The following SETBP1 variants were observed in gnomAD, a reference collection of about 807,000 sequenced individuals.
The protein encoded by SETBP1 is SET binding protein 1.
In SETBP1, 9 loss-of-function variants were observed where a neutral mutation model predicts 101.0. The ratio of observed to expected loss-of-function variants is 0.09; its 90% CI spans 0.05 to 0.16. The LOEUF is 0.16. Ranked by LOEUF, SETBP1 falls within the 10% of genes least tolerant of loss-of-function variation. The probability of loss-of-function intolerance (pLI) is 1.00; values close to 1 mark genes in which losing one functional copy is unlikely to be tolerated. For missense variants in SETBP1, 1,858 were observed against 2,033.8 expected (o/e 0.91, Z 1.66); for synonymous variants, 818 against 788.5 (o/e 1.04, Z -0.63).
chr18:44,909,546 G>A (rs1048993761), intron 3 of SETBP1, among the ~76,000 whole-genome samples: 3 of 152,212 alleles, frequency 2.0e-5, no homozygotes, highest in Non-Finnish European at 2.9e-5. Flanking sequence ...GCTCAGAGTA[G>A]TCTAAAGCAG....
At chr18:44,813,525 T>A (rs2071908944) in intron 2 of SETBP1, among the ~76,000 whole-genome samples, 1 of 152,180 alleles carries the variant, frequency 6.6e-6, no homozygotes. Context: ...GCAGGGTGTC[T>A]TCTGTGAGAT....
At chr18:44,858,993 T>TGGAA (rs202189112) in intron 2 of SETBP1, among the ~76,000 whole-genome samples, 2,262 of 147,468 alleles carry the variant, frequency 0.015, 23 homozygotes, top group Middle Eastern at 0.038. Context: ...ATGCCATTGC[T>TGGAA]GGAAGGAAGG....
At chr18:45,001,019 G>A (rs1031774333) in intron 4 of SETBP1, among the ~76,000 whole-genome samples, 2 of 152,190 alleles carry the variant, frequency 1.3e-5, no homozygotes, top group Non-Finnish European at 2.9e-5. Context: ...CTTAGTATGT[G>A]TGATATGGTC....
At chr18:44,935,972 T>C (rs538894832) in intron 3 of SETBP1, among the ~76,000 whole-genome samples, 4 of 152,348 alleles carry the variant, frequency 2.6e-5, no homozygotes, top group South Asian at 2.1e-4. Context: ...ATGTGTTATG[T>C]TTCTTTCTTT....
At chr18:45,018,064 A>T (rs1175754105) in intron 4 of SETBP1, among the ~76,000 whole-genome samples, 9 of 152,170 alleles carry the variant, frequency 5.9e-5, no homozygotes, top group African/African-American at 2.2e-4. Flanking sequence ...GATCCTTCCC[A>T]GTCCTGATAG....
intron 2 of SETBP1, among the ~76,000 whole-genome samples, chr18:44,740,380 G>A (rs1234253623): frequency 1.3e-5 from 2 of 152,168 alleles, no homozygotes; most frequent in African/African-American, 2.4e-5. Flanking sequence ...CTGAGGGCTG[G>A]CACTCCTTAA....
chr18:44,756,418 TA>T (rs767319334), intron 2 of SETBP1, among the ~76,000 whole-genome samples: 35 of 152,138 alleles, frequency 2.3e-4, no homozygotes, highest in Non-Finnish European at 5.0e-4. Flanking sequence ...AACACTGAAC[TA>T]GTTGGTTTCT....
At chr18:44,821,604 C>A (rs1187597911) in intron 2 of SETBP1, among the ~76,000 whole-genome samples, 1 of 152,192 alleles carries the variant, frequency 6.6e-6, no homozygotes, top group Non-Finnish European at 1.5e-5. Flanking sequence ...CCTTTCTTCT[C>A]CCCCTGGTTT....
At chr18:44,995,821 C>A (rs573862434) in intron 4 of SETBP1, among the ~76,000 whole-genome samples, 1 of 152,202 alleles carries the variant, frequency 6.6e-6, no homozygotes, top group South Asian at 2.1e-4. Flanking sequence ...CTCCCAAGAG[C>A]GCTTGTTGTA....
chr18:44,917,237 A>G (rs2070449915), intron 3 of SETBP1, among the ~76,000 whole-genome samples: 1 of 152,194 alleles, frequency 6.6e-6, no homozygotes, highest in African/African-American at 2.4e-5. Flanking sequence ...TACTTGCTGC[A>G]TGTCAGTTTC....
intron 2 of SETBP1, among the ~76,000 whole-genome samples, chr18:44,744,793 A>C (rs866718893): frequency 1.6e-4 from 25 of 151,714 alleles, no homozygotes; most frequent in African/African-American, 4.6e-4. Flanking sequence ...CAAAAAAAAA[A>C]ACGCTTTCTT....
chr18:44,824,931 C>A (rs546179874), intron 2 of SETBP1, among the ~76,000 whole-genome samples: 1 of 152,220 alleles, frequency 6.6e-6, no homozygotes, highest in African/African-American at 2.4e-5. Flanking sequence ...GCAGCCATGG[C>A]GACTGCTCCT....
chr18:44,836,909 CACTT>C (rs1287118036), intron 2 of SETBP1, among the ~76,000 whole-genome samples: 1 of 152,164 alleles, frequency 6.6e-6, no homozygotes, highest in African/African-American at 2.4e-5. Flanking sequence ...GGGGCCCTGT[CACTT>C]ACATCCCTAT....
intron 3 of SETBP1, among the ~76,000 whole-genome samples, chr18:44,906,554 C>A (rs1045646772): frequency 2.1e-4 from 32 of 152,136 alleles, no homozygotes; most frequent in African/African-American, 7.2e-4. Context: ...ATTCAATATT[C>A]AGTAATAGGA....
chr18:44,828,541 T>C (rs183203695), intron 2 of SETBP1, among the ~76,000 whole-genome samples: 9 of 152,378 alleles, frequency 5.9e-5, no homozygotes, highest in African/African-American at 1.7e-4. Flanking sequence ...TTCTTGAACA[T>C]TGACTGTTTT....
intron 4 of SETBP1, among the ~76,000 whole-genome samples, chr18:45,030,858 T>G (rs199732815): frequency 2.0e-5 from 3 of 152,072 alleles, no homozygotes; most frequent in South Asian, 2.1e-4. Context: ...AGTGGTGATA[T>G]CCCCTTTATC....
At chr18:44,875,028 T>A (rs1162785238) in intron 3 of SETBP1, among the ~76,000 whole-genome samples, 2 of 152,182 alleles carry the variant, frequency 1.3e-5, no homozygotes, top group Non-Finnish European at 2.9e-5. Flanking sequence ...AGATGGGTAT[T>A]CCTACACTGG....
intron 4 of SETBP1, among the ~76,000 whole-genome samples, chr18:45,030,894 TTC>T (rs1200093612): frequency 1.3e-5 from 2 of 152,112 alleles, no homozygotes; most frequent in African/African-American, 4.8e-5. Flanking sequence ...TATTTGATTC[TTC>T]TCTCTTTTCT....
chr18:44,701,889 T>A (rs112043795), intron 2 of SETBP1, 57 bp downstream of exon 2: 2 of 1,579,174 alleles, frequency 1.3e-6, no homozygotes, highest in Non-Finnish European at 1.7e-6. Flanking sequence ...TGCCATTTTA[T>A]CCTCAACTTC....
Sources: gnomAD v4.1 joint callset for allele counts (sites outside exome capture counted in the v4.1 genomes callset) on GRCh38, gnomAD v4.1.1 for gene constraint, MANE v1.5 for transcripts, NCBI Gene and HGNC (gene_info 2026-07-23, HGNC 2026-07-21) for gene names.